DCTD: variants seen among roughly 807,000 people sequenced by gnomAD.
DCTD encodes the protein deoxycytidylate deaminase.
Under a neutral mutation model 21.0 loss-of-function variants are expected in DCTD, and 23 were observed. The ratio of observed to expected loss-of-function variants is 1.09; its 90% CI spans 0.79 to 1.55. The LOEUF is 1.55. Among genes scored for constraint, DCTD ranks in the 40% most tolerant of loss-of-function variants. The pLI, the probability that DCTD is intolerant of heterozygous loss-of-function variation, is 0.00. For missense variants in DCTD, 224 were observed against 230.0 expected (o/e 0.97, Z 0.17); for synonymous variants, 71 against 81.1 (o/e 0.88, Z 0.67).
At position 182,893,016 on chromosome 4, in the gene DCTD, A is replaced by G. The variant is rs2070805; in HGVS notation, c.458+15T>C. ...CACCCTACCCCGTCCCCCCGCCCGCATTCTCCCCACTTACCGGAATGTCAC... is the reference window on the plus strand; with the variant it reads ...CACCCTACCCCGTCCCCCCGCCCGCGTTCTCCCCACTTACCGGAATGTCAC... On this transcript the variant is annotated intron_variant, in intron 5 of 5. Coordinates refer to ENST00000438320, the MANE Select transcript of DCTD (RefSeq NM_001921.3). 0.26 allele frequency: 401,019 copies of G among 1,541,298 alleles called. 53,807 individuals carry two copies. The highest frequency in any genetic ancestry group is 0.28 in the Non-Finnish European group (308,372 of 1,115,890).
intron 3 of DCTD, among the ~76,000 whole-genome samples, chr4:182,896,980 T>C (rs1734843448): frequency 6.6e-6 from 1 of 152,266 alleles, no homozygotes; most frequent in East Asian, 1.9e-4. Context: ...TTTTGGATGG[T>C]GCTGGTATTA....
rs1733681246 is a variant in DCTD, at chr4:182,891,200, CTAAAGCA to C, written c.*192_*198del. ...ACCACAGGCTCCCCTATTTTAAACCCTAAAGCAATAGTTCAAACACATGTAGATTCCA... is the reference window on the plus strand; with the variant it reads ...ACCACAGGCTCCCCTATTTTAAACCCATAGTTCAAACACATGTAGATTCCA... On this transcript the variant is annotated 3_prime_UTR_variant, in exon 6 of 6. Coordinates refer to ENST00000438320, the MANE Select transcript of DCTD (RefSeq NM_001921.3). 3 of 530,486 alleles carry C rather than the reference CTAAAGCA, an allele frequency of 5.7e-6. No individual in the cohort carries two copies. The South Asian group carries it at 8.8e-5, about 16-fold the overall frequency. The allele number at this position is 530,486 out of a possible 1,614,324, so 32.9% of individuals were successfully genotyped here. A position where few individuals can be genotyped will look rare whatever the true frequency, so the allele number is the denominator to read the frequency against.
At chr4:182,905,753 T>A (rs1158749898) in intron 3 of DCTD, among the ~76,000 whole-genome samples, 6 of 152,146 alleles carry the variant, frequency 3.9e-5, no homozygotes, top group Non-Finnish European at 8.8e-5. Context: ...GGCACTGACA[T>A]ACCTGTACTG....
intron 3 of DCTD, among the ~76,000 whole-genome samples, chr4:182,913,650 A>G (rs986503725): frequency 6.6e-6 from 1 of 152,226 alleles, no homozygotes; most frequent in Non-Finnish European, 1.5e-5. Flanking sequence ...AATCTTTCCC[A>G]TTTGGATGGC....
intron 5 of DCTD, among the ~76,000 whole-genome samples, chr4:182,892,032 T>C (rs1209408416): frequency 6.7e-6 from 1 of 148,472 alleles, no homozygotes; most frequent in African/African-American, 2.5e-5. Context: ...AAAGAAGACA[T>C]TTGGGAACAA....
chr4:182,904,410 G>T (rs1031362387), intron 3 of DCTD, among the ~76,000 whole-genome samples: 7 of 152,210 alleles, frequency 4.6e-5, no homozygotes, highest in African/African-American at 1.2e-4. Context: ...AAGAGAAACA[G>T]AGCGCTAATC....
At chr4:182,893,278 C>A in intron 4 of DCTD, 151 bp from the exon 5 acceptor site, 1 of 694,988 alleles carries the variant, frequency 1.4e-6, no homozygotes. Context: ...AAATACATAT[C>A]TGCTGCTTTC....
rs375880033 is a variant in DCTD, at chr4:182,891,491, C to T, written c.459-14G>A. 1.3e-6 allele frequency: 2 copies of T among 1,573,100 alleles called. No individual in the cohort carries two copies. The highest frequency in any genetic ancestry group is 1.7e-6 in the Non-Finnish European group (2 of 1,144,046). ...GGTATGAATTTCCTAAAAATAAAAA[C>T]AAAATACAATTATTATCTGGTGAGT... On this transcript the variant is annotated splice_polypyrimidine_tract_variant and intron_variant, in intron 5 of 5. Transcript: ENST00000438320.
intron 3 of DCTD, among the ~76,000 whole-genome samples, chr4:182,904,489 G>A (rs1279277667): frequency 3.9e-5 from 6 of 152,122 alleles, no homozygotes; most frequent in African/African-American, 1.2e-4. Context: ...GAGGGGAACC[G>A]GGCCTGAGCA....
Position 182,891,449 on chromosome 4 carries a change from C to T in DCTD, c.487G>A (p.Val163Ile). ...CTGTTAATTGAATCAAAGTCAATGACAATCTTGCTGCACTTCGGTATGAAT... is the reference window on the plus strand; with the variant it reads ...CTGTTAATTGAATCAAAGTCAATGATAATCTTGCTGCACTTCGGTATGAAT... ...RKFIPKCSKI[V>I]IDFDSINSRP... Residue 163 changes from valine (V) to isoleucine (I), a missense_variant, in exon 6 of 6, where the codon GTC (valine) becomes ATC (isoleucine). By Grantham distance (29) the Val-to-Ile change is conservative. Transcript: ENST00000438320. 6.2e-7 allele frequency: 1 copy of T among 1,612,260 alleles called. No homozygotes were observed. The highest frequency in any genetic ancestry group is 8.5e-7 in the Non-Finnish European group (1 of 1,178,482).
intron 4 of DCTD, 71 bp from the exon 5 acceptor site, chr4:182,893,198 C>T: frequency 2.2e-6 from 2 of 891,952 alleles, no homozygotes; most frequent in African/African-American, 1.6e-5. Flanking sequence ...GCGGAAGCAG[C>T]TGGAGCACTT....
At chr4:182,901,523 T>TGG (rs897728571) in intron 3 of DCTD, among the ~76,000 whole-genome samples, 2 of 152,156 alleles carry the variant, frequency 1.3e-5, no homozygotes. Flanking sequence ...AGGCCAGGCA[T>TGG]GGAGTGCCTG....
chr4:182,904,265 A>G (rs763289895), intron 3 of DCTD, among the ~76,000 whole-genome samples: 3 of 152,178 alleles, frequency 2.0e-5, no homozygotes, highest in Non-Finnish European at 2.9e-5. Context: ...CCTATGGGCT[A>G]AGGGCACACA....
chr4:182,896,685 C>G (rs563963655), intron 3 of DCTD, among the ~76,000 whole-genome samples: 157 of 152,304 alleles, frequency 1.0e-3, no homozygotes, highest in South Asian at 2.1e-3. Context: ...CTCTTCTCCC[C>G]CTTGTGACCA....
intron 3 of DCTD, among the ~76,000 whole-genome samples, chr4:182,904,571 C>T (rs1023170969): frequency 2.6e-5 from 4 of 152,172 alleles, no homozygotes; most frequent in Non-Finnish European, 4.4e-5. Context: ...CCTCAGGCAG[C>T]GCACTGATCC....
At chr4:182,904,663 A>T (rs1429481349) in intron 3 of DCTD, among the ~76,000 whole-genome samples, 1 of 152,054 alleles carries the variant, frequency 6.6e-6, no homozygotes, top group Non-Finnish European at 1.5e-5. Flanking sequence ...ACTGCCCTAC[A>T]TTCCTAGGAC....
chr4:182,894,441 G>A (rs749554708), intron 4 of DCTD, 48 bp downstream of exon 4: 17 of 1,114,778 alleles, frequency 1.5e-5, no homozygotes, highest in South Asian at 1.4e-4. Context: ...AGCTACTGAC[G>A]AGCAGGCAGC....
intron 3 of DCTD, among the ~76,000 whole-genome samples, chr4:182,909,295 G>C (rs1235406728): frequency 2.0e-5 from 3 of 152,118 alleles, no homozygotes; most frequent in African/African-American, 4.8e-5. Context: ...GGTGGGAGAA[G>C]ACTCATATAT....
chr4:182,914,893 A>G, intron 3 of DCTD, 30 bp downstream of exon 3: 1 of 1,613,700 alleles, frequency 6.2e-7, no homozygotes, highest in Non-Finnish European at 8.5e-7. Context: ...CTATGTCACT[A>G]AGCAGAATGG....
Sources: gnomAD v4.1 joint callset for allele counts (sites outside exome capture counted in the v4.1 genomes callset) on GRCh38, gnomAD v4.1.1 for gene constraint, MANE v1.5 for transcripts, NCBI Gene and HGNC (gene_info 2026-07-23, HGNC 2026-07-21) for gene names.